The following KHDRBS2 variants were observed in gnomAD, a reference collection of about 807,000 sequenced individuals.
KHDRBS2 encodes the protein KH domain-containing, RNA-binding, signal transduction-associated protein 2.
In KHDRBS2, 26 loss-of-function variants were observed where a neutral mutation model predicts 44.3. The observed-to-expected ratio is 0.59, with a 90% CI of 0.43 to 0.81. The LOEUF is 0.81. Ranked by LOEUF, KHDRBS2 falls within the 40% of genes least tolerant of loss-of-function variation. The probability of loss-of-function intolerance (pLI) is 0.00; values close to 1 mark genes in which losing one functional copy is unlikely to be tolerated. For synonymous variants in KHDRBS2, 194 were observed against 151.1 expected, an observed-to-expected ratio of 1.28 and a Z score of -2.08; for missense variants, 476 against 433.1, an observed-to-expected ratio of 1.10 and a Z score of -0.88.
At chr6:62,174,774 T>A (rs964195435) in intron 2 of KHDRBS2, among the ~76,000 whole-genome samples, 1 of 151,812 alleles carries the variant, frequency 6.6e-6, no homozygotes. Flanking sequence ...GAGAGAAAGC[T>A]GTATAAAAGA....
chr6:61,644,197 A>G, the KHDRBS2 span, among the ~76,000 whole-genome samples: 1 of 152,138 alleles, frequency 6.6e-6, no homozygotes, highest in Non-Finnish European at 1.5e-5. Flanking sequence ...AAAAACAAGC[A>G]ATGGGGAAAG....
chr6:62,071,865 C>G (rs1374681034), intron 2 of KHDRBS2, among the ~76,000 whole-genome samples: 2 of 151,982 alleles, frequency 1.3e-5, no homozygotes, highest in Non-Finnish European at 2.9e-5. Context: ...TAGTTTTTTC[C>G]AATTCTGTGA....
intron 6 of KHDRBS2, among the ~76,000 whole-genome samples, chr6:61,845,115 T>G (rs1368014424): frequency 6.6e-6 from 1 of 152,172 alleles, no homozygotes; most frequent in Non-Finnish European, 1.5e-5. Context: ...GTTTCGGAAT[T>G]ATTGAATCAT....
the KHDRBS2 span, among the ~76,000 whole-genome samples, chr6:61,645,009 T>A: frequency 3.3e-5 from 5 of 152,066 alleles, no homozygotes; most frequent in South Asian, 1.0e-3. Flanking sequence ...TAAAGACACA[T>A]GCATGCCAAC....
intron 6 of KHDRBS2, among the ~76,000 whole-genome samples, chr6:61,790,407 T>TA (rs60297993): frequency 0.033 from 4,563 of 139,682 alleles, 73 homozygotes; most frequent in South Asian, 0.066. Flanking sequence ...ACTTGGGACT[T>TA]AAAAAAAAAA....
intron 2 of KHDRBS2, among the ~76,000 whole-genome samples, chr6:62,102,655 T>C (rs1034128976): frequency 6.6e-6 from 1 of 152,092 alleles, no homozygotes. Flanking sequence ...ACAACACTAA[T>C]TCCTGTCACA....
intron 1 of KHDRBS2, among the ~76,000 whole-genome samples, chr6:62,228,865 G>C (rs1383270092): frequency 3.3e-5 from 5 of 152,156 alleles, no homozygotes; most frequent in Non-Finnish European, 7.3e-5. Context: ...ACAGCAAAGA[G>C]GTGTGCCGCT....
intron 6 of KHDRBS2, among the ~76,000 whole-genome samples, chr6:61,781,456 A>G (rs1782912618): frequency 6.6e-6 from 1 of 152,194 alleles, no homozygotes; most frequent in Non-Finnish European, 1.5e-5. Flanking sequence ...CATGCCATAA[A>G]TAAGATCTAT....
At chr6:62,159,409 G>A (rs1040035590) in intron 2 of KHDRBS2, among the ~76,000 whole-genome samples, 3 of 152,152 alleles carry the variant, frequency 2.0e-5, no homozygotes, top group Admixed American at 6.6e-5. Flanking sequence ...CTCTTTCGGA[G>A]TACTCATGAT....
chr6:61,981,806 A>C (rs1773894455), intron 3 of KHDRBS2, among the ~76,000 whole-genome samples: 1 of 152,166 alleles, frequency 6.6e-6, no homozygotes, highest in Non-Finnish European at 1.5e-5. Context: ...AATGTATGGG[A>C]AGCATTGTCA....
At chr6:61,717,945 A>G (rs938612367) in intron 7 of KHDRBS2, among the ~76,000 whole-genome samples, 8 of 152,026 alleles carry the variant, frequency 5.3e-5, no homozygotes, top group African/African-American at 1.9e-4. Flanking sequence ...CTTTATGTCT[A>G]ACACCGTGGA....
chr6:61,697,265 T>G lies in KHDRBS2; in HGVS notation c.894-12A>C. On this transcript the variant is annotated splice_polypyrimidine_tract_variant and intron_variant, in intron 7 of 8. Transcript: ENST00000281156. ...AGTATTCAGGCACACTGCAACAAAT[T>G]TAGATAGCAATCAATGTTACTATAA... 1 of 1,566,288 alleles carries G rather than the reference T, an allele frequency of 6.4e-7. No individual in the cohort carries two copies. Among genetic ancestry groups the G allele is most frequent in the South Asian group, 1.1e-5 (1 of 90,124 alleles).
intron 3 of KHDRBS2, among the ~76,000 whole-genome samples, chr6:62,047,062 T>A (rs943135382): frequency 6.6e-6 from 1 of 151,906 alleles, no homozygotes; most frequent in Non-Finnish European, 1.5e-5. Flanking sequence ...CCTGAGCAAT[T>A]TTCTAAGGAT....
intron 2 of KHDRBS2, among the ~76,000 whole-genome samples, chr6:62,076,227 A>C (rs1341579595): frequency 6.6e-6 from 1 of 151,990 alleles, no homozygotes; most frequent in Non-Finnish European, 1.5e-5. Context: ...AATTACACAA[A>C]GTCATATTGA....
chr6:61,669,403 C>T, the KHDRBS2 span, among the ~76,000 whole-genome samples: 610 of 150,598 alleles, frequency 4.1e-3, 2 homozygotes, highest in African/African-American at 0.014. Context: ...CCTTATAGTA[C>T]CTATTATAAA....
chr6:61,631,625 A>C, the KHDRBS2 span, among the ~76,000 whole-genome samples: 3 of 152,188 alleles, frequency 2.0e-5, no homozygotes, highest in African/African-American at 7.2e-5. Context: ...GAGATCATTT[A>C]AATTTTTAAG....
chr6:61,920,383 C>T (rs925316357), intron 4 of KHDRBS2, among the ~76,000 whole-genome samples: 3 of 151,884 alleles, frequency 2.0e-5, no homozygotes, highest in Non-Finnish European at 4.4e-5. Context: ...TGGTATCTAG[C>T]ACATACTGAG....
At chr6:61,603,200 G>T in the KHDRBS2 span, among the ~76,000 whole-genome samples, 1 of 152,030 alleles carries the variant, frequency 6.6e-6, no homozygotes, top group Admixed American at 6.6e-5. Flanking sequence ...CATTTTACCT[G>T]TCCTAAAACC....
the KHDRBS2 span, among the ~76,000 whole-genome samples, chr6:61,565,017 T>G: frequency 1.3e-5 from 2 of 151,902 alleles, no homozygotes; most frequent in African/African-American, 4.8e-5. Flanking sequence ...AATTCACAGA[T>G]ATACAATAAA....
Sources: allele counts gnomAD v4.1 joint callset (sites outside exome capture counted in the v4.1 genomes callset), GRCh38; gene constraint gnomAD v4.1.1; transcripts MANE v1.5; gene names NCBI Gene and HGNC (gene_info 2026-07-23, HGNC 2026-07-21).